The following NRXN1 variants were observed in gnomAD, a reference collection of about 807,000 sequenced individuals.
NRXN1 encodes the protein neurexin 1, also known as neurexin-1.
A neutral mutation model predicts 150.9 loss-of-function variants in NRXN1; 39 were observed. The observed-to-expected ratio is 0.26, with a 90% CI of 0.20 to 0.34. The LOEUF is 0.34. NRXN1 is among the 10% of genes least tolerant of loss of function. NRXN1 has a pLI of 1.00. For missense variants in NRXN1, 1,815 were observed against 1,949.9 expected, an observed-to-expected ratio of 0.93 and a Z score of 1.30; for synonymous variants, 924 against 757.0, an observed-to-expected ratio of 1.22 and a Z score of -3.62.
At chr2:50,724,411 C>T (rs1697058989) in intron 5 of NRXN1, among the ~76,000 whole-genome samples, 1 of 152,052 alleles carries the variant, frequency 6.6e-6, no homozygotes, top group Non-Finnish European at 1.5e-5. Context: ...TTGATATACT[C>T]AATATCAGAA....
intron 2 of NRXN1, among the ~76,000 whole-genome samples, chr2:50,996,531 A>G (rs1699307805): frequency 6.6e-6 from 1 of 152,076 alleles, no homozygotes; most frequent in Non-Finnish European, 1.5e-5. Context: ...TGATAATAGA[A>G]AGGAGCCCTG....
chr2:50,185,684 T>C (rs1265127142), intron 18 of NRXN1: 3 of 151,672 alleles, frequency 2.0e-5, no homozygotes, highest in African/African-American at 7.3e-5. Flanking sequence ...ATGGGAGGAG[T>C]CTGCATCCTT....
intron 17 of NRXN1, among the ~76,000 whole-genome samples, chr2:50,257,607 T>A (rs1322018791): frequency 6.6e-6 from 1 of 151,944 alleles, no homozygotes; most frequent in Non-Finnish European, 1.5e-5. Flanking sequence ...TCTGAAAGGG[T>A]AAGAGCCTAA....
chr2:50,130,238 T>C (rs1705271293), intron 18 of NRXN1, among the ~76,000 whole-genome samples: 1 of 152,114 alleles, frequency 6.6e-6, no homozygotes, highest in Non-Finnish European at 1.5e-5. Flanking sequence ...CTTTAATCTG[T>C]GTAGAGAGCT....
intron 18 of NRXN1, among the ~76,000 whole-genome samples, chr2:50,126,274 T>C (rs930926222): frequency 1.3e-5 from 2 of 152,120 alleles, no homozygotes; most frequent in Non-Finnish European, 2.9e-5. Flanking sequence ...AAAACACCTT[T>C]CCTATCTTTT....
At chr2:50,367,730 T>C (rs368012437) in intron 17 of NRXN1, among the ~76,000 whole-genome samples, 155 of 152,162 alleles carry the variant, frequency 1.0e-3, no homozygotes, top group African/African-American at 3.4e-3. Context: ...CCTCAGTTAA[T>C]GTATTTTCAT....
rs897531646 is a variant in NRXN1, at chr2:49,929,978, T to C, written c.4217-7727A>G. On this transcript the variant is annotated intron_variant, in intron 22 of 22. Coordinates refer to ENST00000401669, the MANE Select transcript of NRXN1 (RefSeq NM_001330078.2). ...CATGCAGGAGTAGGACAAAGGTTTC[T>C]GATTGCAACTGCAGAATCAGATCTT... 7.2e-5 allele frequency among the ~76,000 whole-genome samples: 11 copies of C among 152,350 alleles called. No homozygotes were observed. The East Asian group carries it at 1.7e-3, about 24-fold the overall frequency.
chr2:50,192,373 C>T (rs567298846), intron 18 of NRXN1, among the ~76,000 whole-genome samples: 1 of 152,118 alleles, frequency 6.6e-6, no homozygotes, highest in East Asian at 1.9e-4. Context: ...CTTCCAGATA[C>T]GTCCTGAAAA....
At chr2:50,978,251 C>A (rs897778950) in intron 2 of NRXN1, among the ~76,000 whole-genome samples, 1 of 113,156 alleles carries the variant, frequency 8.8e-6, no homozygotes, top group Non-Finnish European at 1.9e-5. Flanking sequence ...AGAGACCATA[C>A]TCTGAATATG....
At chr2:50,548,391 C>G (rs2093540429) in intron 9 of NRXN1, among the ~76,000 whole-genome samples, 1 of 152,144 alleles carries the variant, frequency 6.6e-6, no homozygotes, top group South Asian at 2.1e-4. Context: ...CACAAGAGAA[C>G]ACCAGTTTTT....
intron 5 of NRXN1, among the ~76,000 whole-genome samples, chr2:50,772,694 A>G (rs1239954147): frequency 6.6e-6 from 1 of 152,136 alleles, no homozygotes; most frequent in Non-Finnish European, 1.5e-5. Context: ...ATCCTTGGTC[A>G]CTGGTTGAAT....
At chr2:49,930,516 G>A (rs1669948933) in intron 22 of NRXN1, among the ~76,000 whole-genome samples, 2 of 152,120 alleles carry the variant, frequency 1.3e-5, no homozygotes, top group South Asian at 4.2e-4. Flanking sequence ...TTATTAGAAA[G>A]TAATCCAATA....
intron 21 of NRXN1, among the ~76,000 whole-genome samples, chr2:49,961,414 G>T (rs1424982738): frequency 6.6e-6 from 1 of 151,740 alleles, no homozygotes; most frequent in Non-Finnish European, 1.5e-5. Flanking sequence ...AACTGCAGTA[G>T]AGCTTCCCTG....
intron 16 of NRXN1, among the ~76,000 whole-genome samples, chr2:50,470,384 A>G (rs949266089): frequency 5.3e-5 from 8 of 151,724 alleles, no homozygotes; most frequent in Non-Finnish European, 1.5e-5. Flanking sequence ...AATATCAAAT[A>G]AAGAAATATA....
At chr2:50,733,211 G>A in intron 5 of NRXN1, among the ~76,000 whole-genome samples, 1 of 152,122 alleles carries the variant, frequency 6.6e-6, no homozygotes, top group East Asian at 1.9e-4. Flanking sequence ...TGAATCAGCA[G>A]TTTGTAAGGC....
chr2:50,011,028 A>T (rs1685574634), intron 21 of NRXN1, among the ~76,000 whole-genome samples: 2 of 152,182 alleles, frequency 1.3e-5, no homozygotes, highest in Admixed American at 1.3e-4. Context: ...TTATTAATTA[A>T]CAACTAAGAA....
At position 50,065,009 on chromosome 2, in the gene NRXN1, G is replaced by A. The variant is rs369101361; in HGVS notation, c.3719-9965C>T. On this transcript the variant is annotated intron_variant, in intron 19 of 22. Coordinates refer to ENST00000401669, the MANE Select transcript of NRXN1 (RefSeq NM_001330078.2). Reference sequence around the variant, plus strand: ...ATCAAAGGATGGTTTTTGTCAGACAGCAGGACTAGACCAGACAGTAAAGCT... The same window carrying A: ...ATCAAAGGATGGTTTTTGTCAGACAACAGGACTAGACCAGACAGTAAAGCT... 2.0e-5 allele frequency among the ~76,000 whole-genome samples: 3 copies of A among 152,248 alleles called. No homozygotes were observed. The East Asian group carries it at 5.8e-4, about 29-fold the overall frequency.
At chr2:50,140,809 G>C (rs1707163793) in intron 18 of NRXN1, among the ~76,000 whole-genome samples, 1 of 151,998 alleles carries the variant, frequency 6.6e-6, no homozygotes, top group East Asian at 1.9e-4. Context: ...GGAAGGCTCT[G>C]ACTGAAGGAC....
intron 15 of NRXN1, among the ~76,000 whole-genome samples, chr2:50,475,979 A>T (rs2089956612): frequency 6.6e-6 from 1 of 152,080 alleles, no homozygotes. Context: ...AAGAGCCTGC[A>T]TGGGCAACCA....
Sources: gnomAD v4.1 joint callset for allele counts (sites outside exome capture counted in the v4.1 genomes callset) on GRCh38, gnomAD v4.1.1 for gene constraint, MANE v1.5 for transcripts, NCBI Gene and HGNC (gene_info 2026-07-23, HGNC 2026-07-21) for gene names.